Variants in AFF3 observed in about 807,000 individuals in gnomAD.
The protein encoded by AFF3 is ALF transcription elongation factor 3, also known as AF4/FMR2 family member 3.
Under a neutral mutation model 129.7 loss-of-function variants are expected in AFF3, and 32 were observed. That is an observed-to-expected ratio of 0.25 (90% confidence interval 0.19 to 0.33). The LOEUF is 0.33. AFF3 is among the 10% of genes least tolerant of loss of function. AFF3 has a pLI of 1.00. For missense variants in AFF3, 1,373 were observed against 1,592.0 expected, an observed-to-expected ratio of 0.86 and a Z score of 2.34; for synonymous variants, 644 against 635.4, an observed-to-expected ratio of 1.01 and a Z score of -0.20.
intron 10 of AFF3, among the ~76,000 whole-genome samples, chr2:99,731,259 A>G (rs1277855190): frequency 6.6e-6 from 1 of 152,110 alleles, no homozygotes; most frequent in Non-Finnish European, 1.5e-5. Context: ...TGCCCAGCCA[A>G]TGCGTTTTTA....
At chr2:99,867,259 A>C (rs1178439052) in intron 7 of AFF3, among the ~76,000 whole-genome samples, 1 of 152,096 alleles carries the variant, frequency 6.6e-6, no homozygotes, top group African/African-American at 2.4e-5. Flanking sequence ...TAACTTGATG[A>C]ATAGCATTTG....
chr2:99,658,501 C>T (rs75314962), intron 12 of AFF3, among the ~76,000 whole-genome samples: 2,899 of 152,212 alleles, frequency 0.019, 105 homozygotes, highest in African/African-American at 0.067. Flanking sequence ...CCTGTTACCA[C>T]GCCTGGCTAA....
At chr2:99,707,028 G>A (rs1250631002) in intron 11 of AFF3, 1 of 892,866 alleles carries the variant, frequency 1.1e-6, no homozygotes, top group East Asian at 1.2e-4. Flanking sequence ...AAGCCTCAAA[G>A]GCCATATTCC....
At chr2:99,781,551 A>G in intron 8 of AFF3, among the ~76,000 whole-genome samples, 1 of 152,000 alleles carries the variant, frequency 6.6e-6, no homozygotes, top group South Asian at 2.1e-4. Flanking sequence ...ACACCACTTC[A>G]CTCACTGCTG....
At chr2:99,725,257 GCCA>G (rs1166883001) in intron 11 of AFF3, among the ~76,000 whole-genome samples, 1 of 152,170 alleles carries the variant, frequency 6.6e-6, no homozygotes, top group Non-Finnish European at 1.5e-5. Flanking sequence ...ACAGGTGTGA[GCCA>G]CCGTGCCTGG....
intron 1 of AFF3, among the ~76,000 whole-genome samples, chr2:100,140,976 T>C (rs1385382407): frequency 7.2e-6 from 1 of 139,098 alleles, no homozygotes; most frequent in African/African-American, 2.7e-5. Flanking sequence ...GTACAAAAGG[T>C]AGTGATGATG....
chr2:99,615,497 A>AG, intron 13 of AFF3, among the ~76,000 whole-genome samples: 1 of 152,376 alleles, frequency 6.6e-6, no homozygotes, highest in East Asian at 1.9e-4. Context: ...GAGAACCTCA[A>AG]GCAGGGAATT....
intron 13 of AFF3, among the ~76,000 whole-genome samples, chr2:99,618,236 T>C (rs1681640323): frequency 1.1e-5 from 1 of 92,674 alleles, no homozygotes; most frequent in Non-Finnish European, 2.6e-5. Flanking sequence ...TTTTTTTTTT[T>C]TTTTTTTTTT....
At chr2:99,739,470 C>T (rs919555428) in intron 10 of AFF3, among the ~76,000 whole-genome samples, 3 of 152,112 alleles carry the variant, frequency 2.0e-5, no homozygotes, top group African/African-American at 7.2e-5. Context: ...TGCTTAAATG[C>T]AGTCACTCAA....
chr2:100,076,677 T>C (rs1388036654), intron 4 of AFF3, among the ~76,000 whole-genome samples: 5 of 152,144 alleles, frequency 3.3e-5, no homozygotes, highest in African/African-American at 1.2e-4. Flanking sequence ...TCTTTTTCCA[T>C]TTTCTCCCCT....
intron 8 of AFF3, among the ~76,000 whole-genome samples, chr2:99,831,121 T>A (rs1200791904): frequency 2.0e-5 from 3 of 152,204 alleles, no homozygotes; most frequent in African/African-American, 7.2e-5. Flanking sequence ...TTGGGGACAA[T>A]GTACAGGCTC....
At chr2:99,790,645 T>C (rs1685128960) in intron 8 of AFF3, among the ~76,000 whole-genome samples, 1 of 152,160 alleles carries the variant, frequency 6.6e-6, no homozygotes, top group Non-Finnish European at 1.5e-5. Flanking sequence ...TGGCATCAAG[T>C]GGGTAGATGC....
Position 99,594,117 on chromosome 2 carries a change from T to G in AFF3, c.1544A>C (p.Gln515Pro), listed in dbSNP as rs1575456543. The G allele has an allele frequency of 6.2e-7, 1 of 1,614,060 alleles. No individual in the cohort carries two copies. The highest frequency in any genetic ancestry group is 2.2e-5 in the East Asian group (1 of 44,862). Residue 515 changes from glutamine (Q) to proline (P), a missense_variant, in exon 15 of 25, where the codon CAG (glutamine) becomes CCG (proline). By Grantham distance (76) the Gln-to-Pro change is moderately conservative. Around this residue, in one of 9 missense-constraint regions of AFF3, gnomAD observed 413 missense variants for 424.4 expected, o/e 0.97. Transcript: ENST00000672756. ...GATCTCCTTCTCTCTCAGGCTGGGCTGGCAAACGTCGGGGACTTTCCCACA... is the reference window on the plus strand; with the variant it reads ...GATCTCCTTCTCTCTCAGGCTGGGCGGGCAAACGTCGGGGACTTTCCCACA... ...QDCGKVPDVC[Q>P]PSLREKEIKS...
At chr2:99,600,374 C>T (rs1679704594) in intron 14 of AFF3, among the ~76,000 whole-genome samples, 1 of 152,126 alleles carries the variant, frequency 6.6e-6, no homozygotes, top group Admixed American at 6.5e-5. Context: ...AGGGGAAAAA[C>T]CTGAAGGAAC....
chr2:100,131,848 G>C (rs1692440574), intron 1 of AFF3, among the ~76,000 whole-genome samples: 1 of 152,204 alleles, frequency 6.6e-6, no homozygotes, highest in South Asian at 2.1e-4. Context: ...CCTAGACCTT[G>C]TTCTAAGAAG....
At chr2:99,690,263 C>T (rs1575703603) in intron 11 of AFF3, among the ~76,000 whole-genome samples, 1 of 145,338 alleles carries the variant, frequency 6.9e-6, no homozygotes, top group Admixed American at 6.9e-5. Flanking sequence ...TCACTGCAAG[C>T]TCCGCCTCCC....
intron 7 of AFF3, among the ~76,000 whole-genome samples, chr2:99,904,022 C>A (rs1399865570): frequency 2.6e-5 from 4 of 152,130 alleles, no homozygotes. Context: ...TTAATTTTAT[C>A]ATTCATCTGA....
chr2:99,780,153 A>C (rs532114832), intron 8 of AFF3, among the ~76,000 whole-genome samples: 2 of 152,126 alleles, frequency 1.3e-5, no homozygotes, highest in African/African-American at 4.8e-5. Flanking sequence ...AGCAGACTAG[A>C]GCAACTATCC....
intron 7 of AFF3, among the ~76,000 whole-genome samples, chr2:99,894,686 A>G (rs1266644758): frequency 6.6e-6 from 1 of 151,862 alleles, no homozygotes; most frequent in Non-Finnish European, 1.5e-5. Flanking sequence ...CATGTTAGCC[A>G]GGATGGTCTC....
Sources: allele counts gnomAD v4.1 joint callset (sites outside exome capture counted in the v4.1 genomes callset), GRCh38; gene constraint gnomAD v4.1.1; regional missense constraint gnomAD v4.1.1; transcripts MANE v1.5; gene names NCBI Gene and HGNC (gene_info 2026-07-23, HGNC 2026-07-21).